Variants in DBF4 observed in about 807,000 individuals in gnomAD.
DBF4 encodes the protein DBF4-CDC7 kinase regulatory subunit.
Under a neutral mutation model 76.6 loss-of-function variants are expected in DBF4, and 25 were observed. The observed-to-expected ratio is 0.33, with a 90% CI of 0.24 to 0.46. The LOEUF (loss-of-function observed/expected upper bound fraction) is 0.46. DBF4 is among the 20% of genes least tolerant of loss of function. DBF4 has a pLI of 1.00. For synonymous variants in DBF4, 213 were observed against 258.0 expected (o/e 0.83, Z 1.67); for missense variants, 638 against 760.8 (o/e 0.84, Z 1.90).
At chr7:87,903,542 A>G (rs2131075648) in intron 10 of DBF4, among the ~76,000 whole-genome samples, 1 of 152,180 alleles carries the variant, frequency 6.6e-6, no homozygotes, top group East Asian at 1.9e-4. Flanking sequence ...TGTTTAATCT[A>G]CTTTCTGGAT....
At chr7:87,884,179 A>T (rs1446537742) in intron 2 of DBF4, among the ~76,000 whole-genome samples, 1 of 152,210 alleles carries the variant, frequency 6.6e-6, no homozygotes, top group Non-Finnish European at 1.5e-5. Flanking sequence ...TGCTATGGTA[A>T]CCATTAGTGA....
chr7:87,888,995 A>G (rs551489090), intron 6 of DBF4, among the ~76,000 whole-genome samples: 1 of 152,354 alleles, frequency 6.6e-6, no homozygotes, highest in East Asian at 1.9e-4. Flanking sequence ...ATGAAGCCAT[A>G]GTAGGATGGC....
chr7:87,903,415 A>G (rs974160003), intron 10 of DBF4, among the ~76,000 whole-genome samples: 1 of 152,166 alleles, frequency 6.6e-6, no homozygotes, highest in African/African-American at 2.4e-5. Context: ...TAACTTCTGT[A>G]TACTCTGTTA....
At chr7:87,893,738 A>G (rs914028504) in intron 6 of DBF4, among the ~76,000 whole-genome samples, 5 of 152,136 alleles carry the variant, frequency 3.3e-5, no homozygotes, top group Non-Finnish European at 5.9e-5. Flanking sequence ...CTTCTTGCAG[A>G]TATTGTCTTT....
chr7:87,904,889 C>T (rs1839878942), intron 11 of DBF4, among the ~76,000 whole-genome samples: 1 of 152,102 alleles, frequency 6.6e-6, no homozygotes, highest in Non-Finnish European at 1.5e-5. Context: ...AGATCCTTAC[C>T]TTAGACTACT....
At chr7:87,902,199 G>T (rs1156519752) in intron 10 of DBF4, among the ~76,000 whole-genome samples, 1 of 152,198 alleles carries the variant, frequency 6.6e-6, no homozygotes, top group East Asian at 1.9e-4. Flanking sequence ...TTGTTCAGTG[G>T]TTGCCACAAA....
At chr7:87,879,586 T>C (rs1342406208) in intron 2 of DBF4, among the ~76,000 whole-genome samples, 2 of 152,164 alleles carry the variant, frequency 1.3e-5, no homozygotes, top group Non-Finnish European at 2.9e-5. Flanking sequence ...ATGGCCCAAT[T>C]AGAGCAGTAT....
intron 6 of DBF4, 144 bp downstream of exon 6, chr7:87,888,203 T>G: frequency 7.9e-7 from 1 of 1,265,640 alleles, no homozygotes; most frequent in Non-Finnish European, 1.0e-6. Flanking sequence ...ATAAATCGAG[T>G]GTCATTTAAC....
intron 10 of DBF4, among the ~76,000 whole-genome samples, chr7:87,903,652 T>A (rs868472886): frequency 1.3e-5 from 2 of 152,030 alleles, no homozygotes; most frequent in Non-Finnish European, 2.9e-5. Context: ...GGAAATGTGT[T>A]TTCCAAAATG....
At chr7:87,884,780 G>A (rs1839302602) in intron 2 of DBF4, among the ~76,000 whole-genome samples, 199 bp from the exon 3 acceptor site, 1 of 151,994 alleles carries the variant, frequency 6.6e-6, no homozygotes, top group Admixed American at 6.6e-5. Context: ...TGGTTTTTAT[G>A]ACCTAGTTGA....
At chr7:87,893,221 T>C (rs1318421451) in intron 6 of DBF4, among the ~76,000 whole-genome samples, 2 of 151,636 alleles carry the variant, frequency 1.3e-5, no homozygotes, top group Non-Finnish European at 2.9e-5. Context: ...GTTGGATATG[T>C]ACACATTTAA....
chr7:87,890,743 C>G (rs977619452), intron 6 of DBF4, among the ~76,000 whole-genome samples: 9 of 152,162 alleles, frequency 5.9e-5, no homozygotes, highest in Admixed American at 5.2e-4. Context: ...TAGTCCTCAT[C>G]ATTCCTTCAG....
intron 6 of DBF4, 34 bp downstream of exon 6, chr7:87,888,093 A>G (rs1028361239): frequency 2.0e-6 from 3 of 1,532,190 alleles, no homozygotes; most frequent in African/African-American, 1.4e-5. Context: ...AAAGTGACCA[A>G]GCTTGGTTTT....
At chr7:87,896,019 T>C (rs1314832905) in intron 6 of DBF4, among the ~76,000 whole-genome samples, 1 of 152,230 alleles carries the variant, frequency 6.6e-6, no homozygotes, top group African/African-American at 2.4e-5. Flanking sequence ...CTGCTTATTT[T>C]ACTTTTCATT....
chr7:87,884,896 C>G (rs1018085992), intron 2 of DBF4, 83 bp from the exon 3 acceptor site: 3 of 1,026,162 alleles, frequency 2.9e-6, no homozygotes, highest in African/African-American at 3.2e-5. Context: ...ATGATTGTGC[C>G]ACTGCACTCT....
chr7:87,884,837 C>G, intron 2 of DBF4, 142 bp from the exon 3 acceptor site: 1 of 574,742 alleles, frequency 1.7e-6, no homozygotes, highest in Non-Finnish European at 2.9e-6. Flanking sequence ...TTCAGAAGGC[C>G]AAGGCGGGAG....
At chr7:87,885,906 G>A (rs1187797350) in intron 3 of DBF4, among the ~76,000 whole-genome samples, 1 of 152,100 alleles carries the variant, frequency 6.6e-6, no homozygotes, top group Non-Finnish European at 1.5e-5. Flanking sequence ...GTGTGAGGTG[G>A]GATAGGATCA....
chr7:87,891,786 T>C (rs1054056101), intron 6 of DBF4, among the ~76,000 whole-genome samples: 3 of 152,214 alleles, frequency 2.0e-5, no homozygotes, highest in Admixed American at 2.0e-4. Context: ...TGATTTCTGC[T>C]CTTATTTCTT....
intron 7 of DBF4, among the ~76,000 whole-genome samples, chr7:87,897,039 G>A (rs1258972007): frequency 6.6e-6 from 1 of 152,114 alleles, no homozygotes; most frequent in Non-Finnish European, 1.5e-5. Flanking sequence ...TTTTTCTCCT[G>A]TTCTAATTTA....
Sources: allele counts gnomAD v4.1 joint callset (sites outside exome capture counted in the v4.1 genomes callset), GRCh38; gene constraint gnomAD v4.1.1; transcripts MANE v1.5; gene names NCBI Gene and HGNC (gene_info 2026-07-23, HGNC 2026-07-21).